FOXP1: variants seen among roughly 807,000 people sequenced by gnomAD.
The protein encoded by FOXP1 is forkhead box protein P1.
Under a neutral mutation model 98.2 loss-of-function variants are expected in FOXP1, and 15 were observed. The observed-to-expected ratio is 0.15, with a 90% confidence interval of 0.10 to 0.24. FOXP1 has a LOEUF of 0.24. FOXP1 is among the 10% of genes least tolerant of loss of function. The probability of loss-of-function intolerance (pLI) is 1.00; values close to 1 mark genes in which losing one functional copy is unlikely to be tolerated. For missense variants in FOXP1, 633 were observed against 848.5 expected (o/e 0.75, Z 3.15); for synonymous variants, 371 against 314.5 (o/e 1.18, Z -1.90).
intron 5 of FOXP1, among the ~76,000 whole-genome samples, chr3:71,216,669 A>T (rs1474787211): frequency 6.6e-6 from 1 of 152,130 alleles, no homozygotes; most frequent in Non-Finnish European, 1.5e-5. Context: ...TATTGCCTGG[A>T]ATGAGACGTA....
At chr3:71,302,054 T>C (rs1253808410) in intron 4 of FOXP1, among the ~76,000 whole-genome samples, 6 of 152,242 alleles carry the variant, frequency 3.9e-5, no homozygotes, top group African/African-American at 1.4e-4. Context: ...ATCTCTATCT[T>C]TCTCCATTTT....
At chr3:71,165,465 G>A (rs1488789608) in intron 6 of FOXP1, among the ~76,000 whole-genome samples, 1 of 152,156 alleles carries the variant, frequency 6.6e-6, no homozygotes, top group African/African-American at 2.4e-5. Context: ...CATTTCAAAA[G>A]TGGTAATAAT....
chr3:71,419,441 G>GA lies in FOXP1; in HGVS notation c.-167-60198dup, dbSNP rs879614894. ...CTAATCTTTGTAGAAGAACTACAAA[G>GA]AAAAAAAAAAAGTAGATGTTTACAG... On this transcript the variant is annotated intron_variant, in intron 3 of 20. Transcript: ENST00000649528. Among the ~76,000 whole-genome samples, 738 of 145,024 alleles carry GA rather than the reference G, an allele frequency of 5.1e-3. 2 individuals carry two copies. The highest frequency in any genetic ancestry group is 0.014 in the Middle Eastern group (4 of 288).
Position 71,198,320 on chromosome 3 carries a change from C to T in FOXP1, c.62G>A (p.Gly21Asp). 1.2e-6 allele frequency: 2 copies of T among 1,613,964 alleles called. No homozygotes were observed. Among genetic ancestry groups the T allele is most frequent in the East Asian group, 2.2e-5 (1 of 44,844 alleles). ...GCACTCTAGTAAGTGGTTGCTGCCG[C>T]CCGACCCATTCTGGATGGCTGAACC... Reference protein sequence around the residue: ...SNGSAIQNGSGGSNHLLECGG... With the variant: ...SNGSAIQNGSDGSNHLLECGG... The change falls in exon 6 of 21, where the codon GGC becomes GAC. Residue 21 changes from glycine to aspartate, a missense_variant. Transcript: ENST00000649528.
At position 71,313,161 on chromosome 3, in the gene FOXP1, G is replaced by A. The variant is rs2074823596; in HGVS notation, c.-72-13281C>T. Among the ~76,000 whole-genome samples, 3 of 146,184 alleles carry A rather than the reference G, an allele frequency of 2.1e-5. No homozygotes were observed. The South Asian group carries it at 6.4e-4, about 31-fold the overall frequency. Reference sequence around the variant, plus strand: ...TGCAAGCTCCGCCTCCCGGATTCATGCCATTCTCCTGCCTCAGCCTCCCGA... The same window carrying A: ...TGCAAGCTCCGCCTCCCGGATTCATACCATTCTCCTGCCTCAGCCTCCCGA... On this transcript the variant is annotated intron_variant, in intron 4 of 20. Coordinates refer to ENST00000649528, the MANE Select transcript of FOXP1 (RefSeq NM_001349338.3).
At chr3:71,428,711 G>A (rs1577448692) in intron 3 of FOXP1, among the ~76,000 whole-genome samples, 1 of 152,224 alleles carries the variant, frequency 6.6e-6, no homozygotes, top group African/African-American at 2.4e-5. Flanking sequence ...AGTTAGGCAG[G>A]TCATGAGATT....
intron 5 of FOXP1, among the ~76,000 whole-genome samples, chr3:71,257,175 T>A (rs2068695885): frequency 6.6e-6 from 1 of 152,168 alleles, no homozygotes. Flanking sequence ...TGCTCCTAAA[T>A]TATAAAAATT....
At chr3:71,405,053 A>T (rs1276612147) in intron 3 of FOXP1, among the ~76,000 whole-genome samples, 2 of 152,212 alleles carry the variant, frequency 1.3e-5, no homozygotes, top group African/African-American at 2.4e-5. Flanking sequence ...GCACTGCACC[A>T]GCACGCAGCC....
intron 2 of FOXP1, among the ~76,000 whole-genome samples, chr3:71,530,048 C>A (rs2043709839): frequency 6.6e-6 from 1 of 152,118 alleles, no homozygotes; most frequent in Non-Finnish European, 1.5e-5. Context: ...GATCTGATGC[C>A]ATCTCCAGGT....
intron 4 of FOXP1, among the ~76,000 whole-genome samples, chr3:71,348,116 G>A (rs2077489422): frequency 6.6e-6 from 1 of 152,022 alleles, no homozygotes; most frequent in Non-Finnish European, 1.5e-5. Flanking sequence ...ATGTGAATGT[G>A]GTCTCTCTCT....
chr3:71,301,455 C>T (rs761121338), intron 4 of FOXP1, among the ~76,000 whole-genome samples: 2 of 152,140 alleles, frequency 1.3e-5, no homozygotes, highest in Non-Finnish European at 2.9e-5. Flanking sequence ...TCTACATCTA[C>T]CACTCATCAA....
intron 5 of FOXP1, among the ~76,000 whole-genome samples, chr3:71,227,732 T>TAA (rs59752685): frequency 2.2e-4 from 30 of 139,496 alleles, no homozygotes; most frequent in African/African-American, 6.2e-4. Context: ...TCAATGTTTT[T>TAA]AAAAAAAAAA....
chr3:71,432,017 G>T (rs2084763992), intron 3 of FOXP1, among the ~76,000 whole-genome samples: 1 of 152,194 alleles, frequency 6.6e-6, no homozygotes, highest in Non-Finnish European at 1.5e-5. Context: ...TGACCAAGCT[G>T]CAGGATCCCT....
At chr3:70,963,847 TCTGA>T (rs764295745) in intron 20 of FOXP1, among the ~76,000 whole-genome samples, 8 of 152,214 alleles carry the variant, frequency 5.3e-5, no homozygotes, top group Non-Finnish European at 1.2e-4. Flanking sequence ...CGTAGTGGTA[TCTGA>T]CTGTCACAGA....
At chr3:71,237,100 T>G (rs1299477786) in intron 5 of FOXP1, among the ~76,000 whole-genome samples, 4 of 149,278 alleles carry the variant, frequency 2.7e-5, no homozygotes, top group Non-Finnish European at 5.9e-5. Flanking sequence ...GGCGTGGTGG[T>G]GCACGCCTGT....
intron 2 of FOXP1, among the ~76,000 whole-genome samples, chr3:71,558,018 T>C (rs1359674842): frequency 6.6e-6 from 1 of 152,144 alleles, no homozygotes; most frequent in African/African-American, 2.4e-5. Flanking sequence ...GGTTTCACTA[T>C]GTCGGCCGGG....
intron 6 of FOXP1, among the ~76,000 whole-genome samples, chr3:71,181,669 A>G (rs945206409): frequency 6.6e-6 from 1 of 152,198 alleles, no homozygotes; most frequent in Non-Finnish European, 1.5e-5. Flanking sequence ...GACTGTGGAC[A>G]TGCGACATGA....
intron 6 of FOXP1, among the ~76,000 whole-genome samples, chr3:71,156,325 C>T (rs2060821675): frequency 6.6e-6 from 1 of 152,180 alleles, no homozygotes; most frequent in African/African-American, 2.4e-5. Flanking sequence ...ATCATGCACT[C>T]AGCACCTACT....
At chr3:71,122,846 C>G (rs1052786504) in intron 6 of FOXP1, among the ~76,000 whole-genome samples, 1 of 152,172 alleles carries the variant, frequency 6.6e-6, no homozygotes, top group Non-Finnish European at 1.5e-5. Flanking sequence ...CACACTGTAT[C>G]AAGGTCACTG....
Sources: allele counts gnomAD v4.1 joint callset (sites outside exome capture counted in the v4.1 genomes callset), GRCh38; gene constraint gnomAD v4.1.1; transcripts MANE v1.5; gene names NCBI Gene and HGNC (gene_info 2026-07-23, HGNC 2026-07-21).